DTD1: variants seen among roughly 807,000 people sequenced by gnomAD.
DTD1 encodes the protein D-aminoacyl-tRNA deacylase 1.
DTD1 carries 13 observed loss-of-function variants against 25.6 expected under a neutral mutation model. The ratio of observed to expected loss-of-function variants is 0.51; its 90% CI spans 0.33 to 0.81. The LOEUF (loss-of-function observed/expected upper bound fraction) is 0.81. DTD1 is among the 30% of genes least tolerant of loss of function. The pLI is 0.02. For missense variants in DTD1, 193 were observed against 266.4 expected (o/e 0.72, Z 1.92); for synonymous variants, 110 against 103.6 (o/e 1.06, Z -0.37).
At chr20:18,602,134 C>T (rs1208068767) in intron 3 of DTD1, among the ~76,000 whole-genome samples, 1 of 135,746 alleles carries the variant, frequency 7.4e-6, no homozygotes, top group Non-Finnish European at 1.6e-5. Context: ...AATGCAGAAG[C>T]CTCAGGAGCC....
At chr20:18,651,190 T>C (rs1308308147) in intron 4 of DTD1, among the ~76,000 whole-genome samples, 1 of 152,226 alleles carries the variant, frequency 6.6e-6, no homozygotes, top group Non-Finnish European at 1.5e-5. Flanking sequence ...CTCACTCTGT[T>C]ATGCCGGCTA....
chr20:18,682,597 T>C (rs1186150709), intron 4 of DTD1, among the ~76,000 whole-genome samples: 1 of 152,230 alleles, frequency 6.6e-6, no homozygotes, highest in Non-Finnish European at 1.5e-5. Flanking sequence ...GTCTGTAGTC[T>C]CTTTCTTGCT....
intron 4 of DTD1, among the ~76,000 whole-genome samples, chr20:18,649,467 T>C (rs1373732797): frequency 6.7e-6 from 1 of 150,284 alleles, no homozygotes; most frequent in Admixed American, 6.7e-5. Flanking sequence ...GCCTCCCGAG[T>C]AGCTGGCACT....
intron 3 of DTD1, among the ~76,000 whole-genome samples, chr20:18,608,687 C>T (rs2122271933): frequency 6.6e-6 from 1 of 152,328 alleles, no homozygotes; most frequent in East Asian, 1.9e-4. Context: ...AGCCACATTT[C>T]AGGTGCCCAA....
intron 4 of DTD1, among the ~76,000 whole-genome samples, chr20:18,658,897 C>T (rs2060899507): frequency 6.6e-6 from 1 of 152,216 alleles, no homozygotes; most frequent in Non-Finnish European, 1.5e-5. Flanking sequence ...AAGCAGCCCC[C>T]TGATGCCCCA....
At chr20:18,641,331 T>G (rs1294493707) in intron 4 of DTD1, among the ~76,000 whole-genome samples, 6 of 152,274 alleles carry the variant, frequency 3.9e-5, no homozygotes, top group Non-Finnish European at 1.5e-5. Flanking sequence ...TTCAAGACCC[T>G]GCTTTTAATT....
chr20:18,692,604 A>G (rs1018363647), intron 4 of DTD1, among the ~76,000 whole-genome samples: 1 of 152,224 alleles, frequency 6.6e-6, no homozygotes, highest in African/African-American at 2.4e-5. Flanking sequence ...CAGTAGCTCA[A>G]AGGGATGCAC....
intron 4 of DTD1, chr20:18,698,345 T>G (rs1443893755): frequency 6.6e-6 from 1 of 152,254 alleles, no homozygotes. Context: ...TTGTCAACCC[T>G]TTAACATCTT....
chr20:18,606,503 C>T (rs1169117673), intron 3 of DTD1, among the ~76,000 whole-genome samples: 1 of 105,256 alleles, frequency 9.5e-6, no homozygotes, highest in Non-Finnish European at 2.0e-5. Flanking sequence ...GCATTATTCA[C>T]AATAGCAAAG....
At chr20:18,607,355 T>G (rs1400582688) in intron 3 of DTD1, among the ~76,000 whole-genome samples, 1 of 152,102 alleles carries the variant, frequency 6.6e-6, no homozygotes, top group Non-Finnish European at 1.5e-5. Context: ...GAGACGGGGT[T>G]TCACCATGTT....
At chr20:18,664,810 G>C (rs59790177) in intron 4 of DTD1, among the ~76,000 whole-genome samples, 3,813 of 152,212 alleles carry the variant, frequency 0.025, 142 homozygotes, top group African/African-American at 0.085. Context: ...GCTCCTGCTG[G>C]TCAGTTTAGG....
At chr20:18,700,516 T>A (rs1414140050) in intron 4 of DTD1, among the ~76,000 whole-genome samples, 2 of 151,978 alleles carry the variant, frequency 1.3e-5, no homozygotes, top group South Asian at 2.1e-4. Context: ...TAATTTTTGA[T>A]TTTTAAAATT....
At chr20:18,708,252 T>TATTATATA (rs1555801971) in intron 4 of DTD1, among the ~76,000 whole-genome samples, 1 of 31,794 alleles carries the variant, frequency 3.1e-5, no homozygotes, top group Non-Finnish European at 4.9e-5. Flanking sequence ...ATAATATATA[T>TATTATATA]TATATATATA....
At chr20:18,668,483 G>A (rs1363949617) in intron 4 of DTD1, among the ~76,000 whole-genome samples, 1 of 152,180 alleles carries the variant, frequency 6.6e-6, no homozygotes, top group Non-Finnish European at 1.5e-5. Flanking sequence ...TGTTAGGGGT[G>A]AGAGAGCCAG....
intron 4 of DTD1, among the ~76,000 whole-genome samples, chr20:18,694,920 A>G (rs2061064474): frequency 6.6e-6 from 1 of 152,184 alleles, no homozygotes; most frequent in Non-Finnish European, 1.5e-5. Flanking sequence ...TCAGGTATGT[A>G]CAGTATGTGA....
chr20:18,627,911 T>C (rs938611001), intron 3 of DTD1, among the ~76,000 whole-genome samples: 6 of 152,176 alleles, frequency 3.9e-5, no homozygotes. Flanking sequence ...CTGCCATCCA[T>C]GTAAGATCTG....
At chr20:18,607,477 G>C (rs538054975) in intron 3 of DTD1, among the ~76,000 whole-genome samples, 1 of 152,090 alleles carries the variant, frequency 6.6e-6, no homozygotes, top group East Asian at 2.0e-4. Flanking sequence ...TTCTTTATCT[G>C]GTTTCGGTAT....
At chr20:18,646,020 T>C (rs1347355650) in intron 4 of DTD1, among the ~76,000 whole-genome samples, 1 of 152,190 alleles carries the variant, frequency 6.6e-6, no homozygotes, top group African/African-American at 2.4e-5. Context: ...ATCCAAGGCC[T>C]TGGATTGCTG....
intron 4 of DTD1, among the ~76,000 whole-genome samples, chr20:18,728,067 G>A (rs901205778): frequency 3.9e-5 from 6 of 152,174 alleles, no homozygotes; most frequent in African/African-American, 1.4e-4. Context: ...GGGGATGGGA[G>A]GGGCATGGGT....
Sources: gnomAD v4.1 joint callset for allele counts (sites outside exome capture counted in the v4.1 genomes callset) on GRCh38, gnomAD v4.1.1 for gene constraint, MANE v1.5 for transcripts, NCBI Gene and HGNC (gene_info 2026-07-23, HGNC 2026-07-21) for gene names.